The following DNAH17 variants were observed in gnomAD, a reference collection of about 807,000 sequenced individuals.
The protein encoded by DNAH17 is dynein axonemal heavy chain 17.
DNAH17 carries 376 observed loss-of-function variants against 485.6 expected under a neutral mutation model. That is an observed-to-expected ratio of 0.77 (90% CI 0.71 to 0.84). DNAH17 has a LOEUF of 0.84. DNAH17 is among the 40% of genes least tolerant of loss of function. The pLI, the probability that DNAH17 is intolerant of heterozygous loss-of-function variation, is 0.00. For missense variants in DNAH17, 6,370 were observed against 5,839.3 expected (o/e 1.09, Z -2.96); for synonymous variants, 3,031 against 2,405.9 (o/e 1.26, Z -7.60).
chr17:78,573,350 G>A (rs571711320), intron 2 of DNAH17, among the ~76,000 whole-genome samples: 10 of 152,210 alleles, frequency 6.6e-5, no homozygotes, highest in East Asian at 1.9e-4. Context: ...GTAAATCCTA[G>A]GACTTAGGGA....
chr17:78,502,652 A>C lies in DNAH17; in HGVS notation c.5129T>G (p.Leu1710Arg). 1 of 1,611,806 alleles carries C rather than the reference A, an allele frequency of 6.2e-7. No homozygotes were observed. Among genetic ancestry groups the C allele is most frequent in the Non-Finnish European group, 8.5e-7 (1 of 1,179,732 alleles). ...TQIWWTTEVG[L>R]AFARLEEGYE... is the part of the protein sequence containing the mutation. ...GCCTTCCTCCAGCCTGGCAAATGCC[A>C]GGCCCACCTCGGTCGTCCACCAGAT... Residue 1710 changes from leucine to arginine, a missense_variant, in exon 33 of 81, where the codon CTG becomes CGG. Coordinates refer to ENST00000389840, the MANE Select transcript of DNAH17 (RefSeq NM_173628.4).
In DNAH17 at chr17:78,528,399, TGTGC is replaced by T. The variant is rs1324565963; in HGVS notation, c.3507+1069_3507+1072del. On this transcript the variant is annotated intron_variant, in intron 22 of 80. Coordinates refer to ENST00000389840, the MANE Select transcript of DNAH17 (RefSeq NM_173628.4). ...CCTCCTGAGCAGCTGGGACTACAGG[TGTGC>T]GCCACCATGCCTGGCTAATTTTTTA... Among the ~76,000 whole-genome samples the T allele has an allele frequency of 1.4e-4, 22 of 152,098 alleles. No homozygotes were observed. In the East Asian group the frequency reaches 4.3e-3, roughly 30 times the overall value.
chr17:78,567,036 G>A lies in DNAH17; in HGVS notation c.1415C>T (p.Ala472Val). The A allele has an allele frequency of 2.5e-6, 4 of 1,613,384 alleles. No homozygotes were observed. Among genetic ancestry groups the A allele is most frequent in the Non-Finnish European group, 3.4e-6 (4 of 1,179,702 alleles). Residue 472 changes from alanine to valine, a missense_variant, in exon 10 of 81, where the codon GCC becomes GTC. Physicochemically the swap from Ala to Val is moderately conservative, Grantham distance 64. Coordinates refer to ENST00000389840, the MANE Select transcript of DNAH17 (RefSeq NM_173628.4). ...DEVFELVKVFADCKYDPLDPG... is the reference protein window; with the variant it reads ...DEVFELVKVFVDCKYDPLDPG... ...GTCCAAGGGATCATATTTGCAGTCG[G>A]CAAAAACCTTCACCAGCTCAAAGAC...
chr17:78,570,513 G>A (rs1203081250), intron 6 of DNAH17, 141 bp from the exon 7 acceptor site: 23 of 1,108,728 alleles, frequency 2.1e-5, no homozygotes, highest in Non-Finnish European at 2.5e-6. Context: ...CAACTCCCTA[G>A]GCCCACACAT....
Position 78,505,405 on chromosome 17 carries a change from T to C in DNAH17, c.4844A>G (p.Lys1615Arg). 1 of 1,613,944 alleles carries C rather than the reference T, an allele frequency of 6.2e-7. No homozygotes were observed. The highest frequency in any genetic ancestry group is 1.7e-5 in the Admixed American group (1 of 60,012). Residue 1615 changes from lysine to arginine, a missense_variant, in exon 31 of 81, where the codon AAA becomes AGA. Transcript: ENST00000389840. ...ACTGGCATCGAGCCGGAACTTCAGT[T>C]TACACAGGCTATCGAAGAGTTTGGA... ...HLSKLFDSLC[K>R]LKFRLDASDK...
intron 76 of DNAH17, 107 bp downstream of exon 76, chr17:78,429,014 G>A (rs1030952384): frequency 1.6e-6 from 2 of 1,252,622 alleles, no homozygotes; most frequent in Non-Finnish European, 2.2e-6. Context: ...TATTTTGGCT[G>A]CCTGGGTTCT....
chr17:78,571,176 C>T, intron 5 of DNAH17, 103 bp downstream of exon 5: 1 of 1,303,558 alleles, frequency 7.7e-7, no homozygotes, highest in Non-Finnish European at 1.1e-6. Flanking sequence ...AAGCTGCTCG[C>T]AGAGGGAGGC....
Position 78,482,070 on chromosome 17 carries a change from C to CTTTTTTTTTTTTTTTTTTTTTTT in DNAH17, c.7650-1285_7650-1284insAAAAAAAAAAAAAAAAAAAAAAA, listed in dbSNP as rs36105381. On this transcript the variant is annotated intron_variant, in intron 48 of 80. Transcript: ENST00000389840. The stretch of plus-strand genomic sequence containing the variant: ...CCTTGATGTCACACTACACTAGTTA[C>CTTTTTTTTTTTTTTTTTTTTTTT]TTTTTTTTTTTTTTTTTTTTCCCCC... Among the ~76,000 whole-genome samples, 2 of 130,664 alleles carry CTTTTTTTTTTTTTTTTTTTTTTT rather than the reference C, an allele frequency of 1.5e-5. 1 individual carries two copies. The highest frequency in any genetic ancestry group is 3.2e-5 in the Non-Finnish European group (2 of 62,832). The allele number at this position is 130,664 out of a possible 152,430, so 85.7% of individuals were successfully genotyped here.
rs117090778 is a variant in DNAH17 at position 78,560,961 on chromosome 17, C to A, written c.1836-26G>T. The A allele has an allele frequency of 2.4e-3, 3,683 of 1,538,268 alleles. 56 individuals are homozygous for A. The East Asian group carries it at 0.041, about 17-fold the overall frequency. On this transcript the variant is annotated intron_variant, in intron 12 of 80. Transcript: ENST00000389840. ...CTGGAATCAGAGCGGGAAGGCGAGG[C>A]CCCACTGGATATCTCCTGTGGGGTG...
At chr17:78,484,547 C>G (rs1401433037) in intron 48 of DNAH17, among the ~76,000 whole-genome samples, 2 of 143,718 alleles carry the variant, frequency 1.4e-5, no homozygotes, top group Admixed American at 7.2e-5. Context: ...GCGGGACAGA[C>G]ACCTCGGTGG....
intron 51 of DNAH17, 63 bp from the exon 52 acceptor site, chr17:78,476,796 A>G: frequency 6.4e-7 from 1 of 1,561,204 alleles, no homozygotes; most frequent in Admixed American, 1.9e-5. Context: ...AGAGCTGGAC[A>G]CAGATGACCC....
chr17:78,477,887 T>C (rs1387024497), intron 51 of DNAH17, among the ~76,000 whole-genome samples: 2 of 150,192 alleles, frequency 1.3e-5, no homozygotes, highest in African/African-American at 4.9e-5. Flanking sequence ...CCACCATCGC[T>C]ATCATCACCA....
At chr17:78,499,293 G>A (rs80351018) in intron 36 of DNAH17, 181 bp from the exon 37 acceptor site, 37 of 447,674 alleles carry the variant, frequency 8.3e-5, no homozygotes, top group East Asian at 3.5e-4. Context: ...GGGTAACACC[G>A]TGGAGGGCTG....
intron 37 of DNAH17, among the ~76,000 whole-genome samples, 184 bp from the exon 38 acceptor site, chr17:78,496,216 G>A (rs1442729207): frequency 1.3e-5 from 2 of 152,012 alleles, no homozygotes; most frequent in East Asian, 1.9e-4. Context: ...TGCCATGTAG[G>A]AAATAATACA....
intron 37 of DNAH17, among the ~76,000 whole-genome samples, chr17:78,498,500 G>A (rs562402057): frequency 6.6e-6 from 1 of 152,204 alleles, no homozygotes; most frequent in Non-Finnish European, 1.5e-5. Flanking sequence ...AAGCATCAGT[G>A]GGGGTGGGGC....
chr17:78,507,403 G>A (rs760140457), intron 28 of DNAH17, 34 bp from the exon 29 acceptor site: 8 of 1,613,794 alleles, frequency 5.0e-6, no homozygotes, highest in Admixed American at 1.7e-5. Context: ...AGGCATTAGG[G>A]ATCGCCACAC....
intron 6 of DNAH17, 83 bp from the exon 7 acceptor site, chr17:78,570,455 G>A (rs2092335681): frequency 6.0e-6 from 9 of 1,495,748 alleles, no homozygotes; most frequent in Non-Finnish European, 8.1e-6. Context: ...CCTTCCCATG[G>A]CTCTCACTGG....
At chr17:78,444,108 C>T (rs1447551853) in intron 71 of DNAH17, among the ~76,000 whole-genome samples, 1 of 152,060 alleles carries the variant, frequency 6.6e-6, no homozygotes, top group South Asian at 2.1e-4. Context: ...ATTGACTTTA[C>T]GTTTTGCCAC....
chr17:78,549,530 G>T lies in DNAH17; in HGVS notation c.2391+2005C>A, dbSNP rs1463549943. 2.6e-5 allele frequency among the ~76,000 whole-genome samples: 4 copies of T among 152,290 alleles called. 1 individual carries two copies. The highest frequency in any genetic ancestry group is 2.9e-5 in the Non-Finnish European group (2 of 68,038). ...TGGCAAACAGATCATTCCTTCCTTGGTGCCCAGAGACCCAACTACCGGGCT... is the reference window on the plus strand; with the variant it reads ...TGGCAAACAGATCATTCCTTCCTTGTTGCCCAGAGACCCAACTACCGGGCT... On this transcript the variant is annotated intron_variant, in intron 16 of 80. Coordinates refer to ENST00000389840, the MANE Select transcript of DNAH17 (RefSeq NM_173628.4).
Sources: allele counts gnomAD v4.1 joint callset (sites outside exome capture counted in the v4.1 genomes callset), GRCh38; gene constraint gnomAD v4.1.1; transcripts MANE v1.5; gene names NCBI Gene and HGNC (gene_info 2026-07-23, HGNC 2026-07-21).